HIVEP1: variants seen among roughly 807,000 people sequenced by gnomAD.
HIVEP1 encodes the protein zinc finger protein 40.
A neutral mutation model predicts 180.0 loss-of-function variants in HIVEP1; 36 were observed. The observed-to-expected ratio is 0.20, with a 90% CI of 0.15 to 0.26. The LOEUF (loss-of-function observed/expected upper bound fraction) is 0.26. Among genes scored for constraint, HIVEP1 ranks in the 10% least tolerant of loss-of-function variants. HIVEP1 has a pLI of 1.00. For synonymous variants in HIVEP1, 1,239 were observed against 1,239.0 expected (o/e 1.00, Z 0.00); for missense variants, 3,143 against 3,268.7 (o/e 0.96, Z 0.94).
At chr6:12,144,359 C>T (rs950131625) in intron 7 of HIVEP1, among the ~76,000 whole-genome samples, 3 of 152,184 alleles carry the variant, frequency 2.0e-5, no homozygotes, top group Non-Finnish European at 4.4e-5. Flanking sequence ...CCCTTCCTTA[C>T]ACCTTATACA....
At chr6:12,091,642 A>C (rs543323851) in intron 3 of HIVEP1, among the ~76,000 whole-genome samples, 4 of 152,292 alleles carry the variant, frequency 2.6e-5, no homozygotes, top group African/African-American at 4.8e-5. Flanking sequence ...ATCATACACC[A>C]ATAGAATAAA....
chr6:12,137,949 G>T (rs896309085), intron 7 of HIVEP1, among the ~76,000 whole-genome samples: 21 of 151,986 alleles, frequency 1.4e-4, no homozygotes, highest in African/African-American at 4.4e-4. Flanking sequence ...TCTCATATTT[G>T]CTTCACGTTC....
intron 7 of HIVEP1, among the ~76,000 whole-genome samples, chr6:12,160,247 T>C (rs1167120051): frequency 1.3e-5 from 2 of 152,358 alleles, no homozygotes; most frequent in East Asian, 3.9e-4. Context: ...TTTTTGAAAC[T>C]ATTTCCTGGA....
At position 12,061,836 on chromosome 6, in the gene HIVEP1, T is replaced by TA. The variant is rs1244287707; in HGVS notation, c.41-27340dup. Reference sequence around the variant, plus strand: ...TTAACTTAAACACCAAGCTACAGTTTAAAAAAAATTTCTAAGTAAAAATCT... The same window carrying TA: ...TTAACTTAAACACCAAGCTACAGTTTAAAAAAAAATTTCTAAGTAAAAATCT... On this transcript the variant is annotated intron_variant, in intron 2 of 8. Transcript: ENST00000379388. Among the ~76,000 whole-genome samples the TA allele has an allele frequency of 3.9e-5, 6 of 152,024 alleles. No individual in the cohort carries two copies. The East Asian group carries it at 5.8e-4, about 15-fold the overall frequency.
Position 12,120,595 on chromosome 6 carries a change from C to G in HIVEP1, c.800C>G (p.Ser267Cys). 1.2e-6 allele frequency: 2 copies of G among 1,614,182 alleles called. No individual in the cohort carries two copies. The highest frequency in any genetic ancestry group is 1.7e-6 in the Non-Finnish European group (2 of 1,180,016). ...TGTACCTCATACACAGTCCATATGT[C>G]TGCTGCTCAGAAGAATGAGCAAGGG... is the stretch of plus-strand genomic sequence containing the variant. ...SSCTSYTVHM[S>C]AAQKNEQGAM... The change falls in exon 4 of 9, where the codon TCT becomes TGT. Residue 267 changes from serine to cysteine, a missense_variant. By Grantham distance (112) the Ser-to-Cys change is moderately radical (BLOSUM62 -1). Around this residue, in one of 12 missense-constraint regions of HIVEP1, gnomAD observed 306 missense variants for 310.6 expected, o/e 0.99. Transcript: ENST00000379388.
At chr6:12,198,073 T>C in the HIVEP1 span, among the ~76,000 whole-genome samples, 1 of 152,242 alleles carries the variant, frequency 6.6e-6, no homozygotes, top group Non-Finnish European at 1.5e-5. Flanking sequence ...GTTGGAAATG[T>C]TGAGTTTGAG....
At chr6:12,132,918 C>A (rs1255373532) in intron 6 of HIVEP1, among the ~76,000 whole-genome samples, 3 of 152,054 alleles carry the variant, frequency 2.0e-5, no homozygotes, top group African/African-American at 7.2e-5. Flanking sequence ...TTCCACAGCA[C>A]CTTTTAAAGG....
At chr6:12,206,177 A>C in the HIVEP1 span, among the ~76,000 whole-genome samples, 22 of 152,258 alleles carry the variant, frequency 1.4e-4, no homozygotes, top group African/African-American at 4.6e-4. Context: ...TCTGTCACCC[A>C]GGCTGGAATG....
At chr6:12,056,831 T>G (rs1006356646) in intron 2 of HIVEP1, among the ~76,000 whole-genome samples, 6 of 147,630 alleles carry the variant, frequency 4.1e-5, no homozygotes, top group Non-Finnish European at 6.1e-5. Flanking sequence ...AATGGTATGG[T>G]TTTTTGTTTT....
At position 12,132,027 on chromosome 6, in the gene HIVEP1, A is replaced by G. The variant is rs2113572206; in HGVS notation, c.6385+1085A>G. ...ACTCTTTAAGTGCCAGTGGTGTCTGAAACAAGAATGATGGAAAAACAAAAT... is the reference window on the plus strand; with the variant it reads ...ACTCTTTAAGTGCCAGTGGTGTCTGGAACAAGAATGATGGAAAAACAAAAT... On this transcript the variant is annotated intron_variant, in intron 6 of 8. Transcript: ENST00000379388. Among the ~76,000 whole-genome samples the G allele has an allele frequency of 1.3e-5, 2 of 152,262 alleles. 1 individual carries two copies. Among genetic ancestry groups the G allele is most frequent in the South Asian group, 4.1e-4 (2 of 4,832 alleles).
chr6:12,036,599 A>G (rs560073950), intron 2 of HIVEP1, among the ~76,000 whole-genome samples: 3 of 152,140 alleles, frequency 2.0e-5, no homozygotes, highest in Non-Finnish European at 2.9e-5. Context: ...AGCTAACAAC[A>G]CAGTATGAAA....
chr6:12,087,608 C>G (rs974640848), intron 2 of HIVEP1, among the ~76,000 whole-genome samples: 1 of 151,938 alleles, frequency 6.6e-6, no homozygotes, highest in Non-Finnish European at 1.5e-5. Flanking sequence ...TCATGTATTT[C>G]GTTTTTTAAA....
chr6:12,064,826 A>G (rs939550606), intron 2 of HIVEP1, among the ~76,000 whole-genome samples: 1 of 152,098 alleles, frequency 6.6e-6, no homozygotes, highest in African/African-American at 2.4e-5. Flanking sequence ...TGCAAAAGGA[A>G]TTTTTCAATT....
chr6:12,080,403 T>C (rs1379988379), intron 2 of HIVEP1, among the ~76,000 whole-genome samples: 1 of 152,086 alleles, frequency 6.6e-6, no homozygotes, highest in Admixed American at 6.5e-5. Context: ...AAAAGTGCAG[T>C]TTAAGGGTGG....
the HIVEP1 span, among the ~76,000 whole-genome samples, chr6:12,207,791 C>T: frequency 1.1e-5 from 1 of 93,534 alleles, no homozygotes; most frequent in African/African-American, 3.0e-5. Flanking sequence ...GGTACATGAC[C>T]GTGGTCTCAG....
chr6:12,057,505 C>A (rs2113740285), intron 2 of HIVEP1, among the ~76,000 whole-genome samples: 1 of 152,276 alleles, frequency 6.6e-6, no homozygotes, highest in Non-Finnish European at 1.5e-5. Flanking sequence ...TGATATTAAT[C>A]TGCAGATTCC....
At chr6:12,012,614 C>CGGGGCGGA (rs1314285085) in intron 1 of HIVEP1, 48 bp downstream of exon 1, 1 of 7,554 alleles carries the variant, frequency 1.3e-4, no homozygotes, top group African/African-American at 8.9e-4. Flanking sequence ...GGGAGGGCGG[C>CGGGGCGGA]GGGGCGGAGG....
chr6:12,131,046 T>C, intron 6 of HIVEP1, 104 bp downstream of exon 6: 1 of 678,920 alleles, frequency 1.5e-6, no homozygotes, highest in Non-Finnish European at 2.4e-6. Flanking sequence ...GCAGCTTAAA[T>C]AGACTAATGT....
intron 2 of HIVEP1, among the ~76,000 whole-genome samples, chr6:12,050,781 C>T (rs908035584): frequency 1.3e-5 from 2 of 151,766 alleles, no homozygotes; most frequent in Non-Finnish European, 2.9e-5. Context: ...TTTGCTCATC[C>T]TAAGTAGGCC....
Sources: gnomAD v4.1 joint callset for allele counts (sites outside exome capture counted in the v4.1 genomes callset) on GRCh38, gnomAD v4.1.1 for gene constraint, gnomAD v4.1.1 regional missense constraint, MANE v1.5 for transcripts, NCBI Gene and HGNC (gene_info 2026-07-23, HGNC 2026-07-21) for gene names.